Variants in RARB observed in about 807,000 individuals in gnomAD.
RARB encodes the protein HBV-activated protein.
A neutral mutation model predicts 51.9 loss-of-function variants in RARB; 17 were observed. The observed-to-expected ratio is 0.33, with a 90% confidence interval of 0.22 to 0.49. RARB has a LOEUF of 0.49. RARB is among the 20% of genes least tolerant of loss of function. The probability of loss-of-function intolerance (pLI) is 0.99; values close to 1 mark genes in which losing one functional copy is unlikely to be tolerated. For missense variants in RARB, 369 were observed against 550.8 expected (o/e 0.67, Z 3.30); for synonymous variants, 215 against 195.4 (o/e 1.10, Z -0.84).
intron 5 of RARB, among the ~76,000 whole-genome samples, chr3:25,326,438 T>C (rs1411982973): frequency 6.6e-6 from 1 of 152,248 alleles, no homozygotes; most frequent in Non-Finnish European, 1.5e-5. Context: ...CCCAGTTGTT[T>C]ATTAAGACAA....
At chr3:25,258,011 T>C (rs1702908697) in intron 5 of RARB, among the ~76,000 whole-genome samples, 2 of 152,272 alleles carry the variant, frequency 1.3e-5, no homozygotes, top group East Asian at 3.9e-4. Flanking sequence ...ATGATCCATT[T>C]GTGTACATCT....
At chr3:25,307,790 A>G (rs937128619) in intron 5 of RARB, among the ~76,000 whole-genome samples, 1 of 152,190 alleles carries the variant, frequency 6.6e-6, no homozygotes, top group Non-Finnish European at 1.5e-5. Flanking sequence ...AATCTTTCTC[A>G]GTGTCTATAG....
chr3:25,399,968 A>C (rs1416015454), intron 5 of RARB, among the ~76,000 whole-genome samples: 1 of 152,198 alleles, frequency 6.6e-6, no homozygotes, highest in Non-Finnish European at 1.5e-5. Context: ...CTTACTTGCA[A>C]AACGGGGATA....
chr3:24,862,259 C>G (rs370512651), intron 2 of RARB, among the ~76,000 whole-genome samples: 70 of 152,250 alleles, frequency 4.6e-4, no homozygotes, highest in African/African-American at 1.6e-3. Context: ...CATCAGTCAT[C>G]GAGTGTTGGA....
intron 5 of RARB, among the ~76,000 whole-genome samples, chr3:25,316,118 A>T (rs146917511): frequency 6.6e-6 from 1 of 152,172 alleles, no homozygotes; most frequent in Admixed American, 6.5e-5. Context: ...GTACAGATAG[A>T]TGTCTATTGT....
chr3:25,248,978 C>A (rs1702637984), intron 5 of RARB, among the ~76,000 whole-genome samples: 1 of 152,056 alleles, frequency 6.6e-6, no homozygotes, highest in Non-Finnish European at 1.5e-5. Context: ...ATCTAAATTT[C>A]TTGCTAGACT....
chr3:24,998,772 T>C (rs1254425694), intron 2 of RARB, among the ~76,000 whole-genome samples: 4 of 152,084 alleles, frequency 2.6e-5, no homozygotes, highest in Non-Finnish European at 5.9e-5. Flanking sequence ...TTTGAAGTCC[T>C]AACACCTTTT....
At chr3:24,832,799 G>A (rs975083418) in intron 1 of RARB, among the ~76,000 whole-genome samples, 2 of 151,688 alleles carry the variant, frequency 1.3e-5, no homozygotes, top group Middle Eastern at 3.2e-3. Flanking sequence ...TACTAGTTAC[G>A]AGAACCTGAT....
At chr3:25,081,607 A>ATG (rs1698999873) in intron 3 of RARB, among the ~76,000 whole-genome samples, 2 of 10,338 alleles carry the variant, frequency 1.9e-4, no homozygotes, top group African/African-American at 8.4e-4. Flanking sequence ...ATATATATAT[A>ATG]TATATATATA....
At chr3:25,079,797 A>G (rs1046989257) in intron 3 of RARB, among the ~76,000 whole-genome samples, 4 of 152,164 alleles carry the variant, frequency 2.6e-5, no homozygotes, top group African/African-American at 9.7e-5. Context: ...TAAGATTTTC[A>G]TGACTATATT....
At chr3:25,331,949 C>A (rs1271565565) in intron 5 of RARB, among the ~76,000 whole-genome samples, 8 of 152,054 alleles carry the variant, frequency 5.3e-5, no homozygotes, top group Non-Finnish European at 1.2e-4. Flanking sequence ...TACCTGGACA[C>A]ATACACCCTC....
At chr3:25,512,515 C>G (rs1697945819) in intron 3 of RARB, among the ~76,000 whole-genome samples, 1 of 152,234 alleles carries the variant, frequency 6.6e-6, no homozygotes, top group South Asian at 2.1e-4. Flanking sequence ...CAACACTGAT[C>G]TCTTGTCATG....
At chr3:25,416,730 G>A (rs1423912698) in intron 5 of RARB, among the ~76,000 whole-genome samples, 3 of 152,176 alleles carry the variant, frequency 2.0e-5, no homozygotes, top group African/African-American at 7.2e-5. Flanking sequence ...GCTGGATTTG[G>A]CCTTTGGAGT....
chr3:25,307,819 G>T (rs1036576562), intron 5 of RARB, among the ~76,000 whole-genome samples: 2 of 152,038 alleles, frequency 1.3e-5, no homozygotes, highest in African/African-American at 4.8e-5. Context: ...TGCAAACTAA[G>T]GTCCAAAAAC....
chr3:25,366,842 C>T (rs1400497183), intron 5 of RARB, among the ~76,000 whole-genome samples: 1 of 152,120 alleles, frequency 6.6e-6, no homozygotes, highest in Admixed American at 6.5e-5. Flanking sequence ...TGTTCATGGG[C>T]CTCATTTTAC....
chr3:25,579,276 T>G (rs1409554853), intron 4 of RARB, among the ~76,000 whole-genome samples: 1 of 152,222 alleles, frequency 6.6e-6, no homozygotes, highest in Non-Finnish European at 1.5e-5. Context: ...TTGATGAGTG[T>G]GATAAAAGTA....
chr3:25,546,977 C>T (rs1289310319), intron 3 of RARB, among the ~76,000 whole-genome samples: 2 of 152,096 alleles, frequency 1.3e-5, no homozygotes, highest in African/African-American at 2.4e-5. Flanking sequence ...TAGCAATTTG[C>T]TTAGTGGAGG....
chr3:25,033,782 C>A (rs1225778600), intron 2 of RARB, among the ~76,000 whole-genome samples: 2 of 152,182 alleles, frequency 1.3e-5, no homozygotes, highest in African/African-American at 2.4e-5. Context: ...AAACAAATTT[C>A]AGCCTAGGCA....
intron 5 of RARB, among the ~76,000 whole-genome samples, chr3:25,192,578 C>G (rs141717514): frequency 1.9e-3 from 294 of 152,144 alleles, no homozygotes; most frequent in African/African-American, 6.7e-3. Flanking sequence ...TGGTTCTCTA[C>G]TTGGGGCAGA....
Sources: gnomAD v4.1 joint callset for allele counts (sites outside exome capture counted in the v4.1 genomes callset) on GRCh38, gnomAD v4.1.1 for gene constraint, MANE v1.5 for transcripts, NCBI Gene and HGNC (gene_info 2026-07-23, HGNC 2026-07-21) for gene names.